P4HA1: variants seen among roughly 807,000 people sequenced by gnomAD.
P4HA1 encodes the protein prolyl 4-hydroxylase subunit alpha 1, also known as prolyl 4-hydroxylase subunit alpha-1.
In P4HA1, 24 loss-of-function variants were observed where a neutral mutation model predicts 72.8. The ratio of observed to expected loss-of-function variants is 0.33; its 90% CI spans 0.24 to 0.46. The LOEUF (loss-of-function observed/expected upper bound fraction) is 0.46. P4HA1 is among the 20% of genes least tolerant of loss of function. The probability of loss-of-function intolerance (pLI) is 1.00; values close to 1 mark genes in which losing one functional copy is unlikely to be tolerated. For missense variants in P4HA1, 446 were observed against 640.6 expected (o/e 0.70, Z 3.28); for synonymous variants, 201 against 218.8 (o/e 0.92, Z 0.72).
chr10:73,064,579 G>A (rs1381045545), intron 5 of P4HA1, among the ~76,000 whole-genome samples: 1 of 152,186 alleles, frequency 6.6e-6, no homozygotes, highest in Admixed American at 6.6e-5. Flanking sequence ...AGTGGCTCAT[G>A]CCTTTAATTC....
At chr10:73,062,018 C>T (rs976538674) in intron 5 of P4HA1, among the ~76,000 whole-genome samples, 11 of 151,894 alleles carry the variant, frequency 7.2e-5, no homozygotes, top group African/African-American at 1.7e-4. Context: ...AATCTTGCCT[C>T]AAAAAAATAA....
chr10:73,030,625 G>A (rs1840411724), intron 9 of P4HA1, among the ~76,000 whole-genome samples: 2 of 152,004 alleles, frequency 1.3e-5, no homozygotes, highest in South Asian at 4.1e-4. Context: ...AAAACAGTTG[G>A]ATTAATGTAA....
intron 8 of P4HA1, among the ~76,000 whole-genome samples, chr10:73,045,270 A>C (rs1047229858): frequency 6.7e-6 from 1 of 150,082 alleles, no homozygotes; most frequent in Non-Finnish European, 1.5e-5. Flanking sequence ...GCATAGATGG[A>C]GGACATACAA....
chr10:73,040,088 T>G lies in P4HA1; in HGVS notation c.1148+4893A>C, dbSNP rs374331522. Among the ~76,000 whole-genome samples the G allele has an allele frequency of 1.7e-4, 26 of 152,066 alleles. No individual in the cohort carries two copies. In the South Asian group the frequency reaches 5.4e-3, roughly 32 times the overall value. On this transcript the variant is annotated intron_variant, in intron 9 of 14. Transcript: ENST00000394890. ...TCTAGCTATACTATCCAGGCTGGTC[T>G]CAAGCTCCTGGGCTCAAACCATCCT... is the stretch of plus-strand genomic sequence containing the variant.
At chr10:73,053,621 A>G in intron 5 of P4HA1, 31 bp from the exon 6 acceptor site, 1 of 1,591,754 alleles carries the variant, frequency 6.3e-7, no homozygotes, top group Non-Finnish European at 8.6e-7. Flanking sequence ...GAACTTTAGG[A>G]ATCTTAACAC....
chr10:73,031,533 C>T (rs1389691280), intron 9 of P4HA1, among the ~76,000 whole-genome samples: 2 of 151,970 alleles, frequency 1.3e-5, no homozygotes, highest in African/African-American at 4.8e-5. Context: ...GTCAAAGAAG[C>T]CAGATACAAA....
chr10:73,015,375 G>A (rs1481343882), intron 11 of P4HA1, among the ~76,000 whole-genome samples: 3 of 152,084 alleles, frequency 2.0e-5, no homozygotes, highest in South Asian at 2.1e-4. Flanking sequence ...TGGTATATCC[G>A]TAACATGGAA....
chr10:73,047,060 ATC>A lies in P4HA1; in HGVS notation c.940_941del (p.Asp314TrpfsTer4). 6.2e-7 allele frequency: 1 copy of A among 1,613,884 alleles called. No individual in the cohort carries two copies. Among genetic ancestry groups the A allele is most frequent in the Admixed American group, 1.7e-5 (1 of 60,006 alleles). On this transcript the variant is annotated frameshift_variant, in exon 8 of 15. Coordinates refer to ENST00000394890, the MANE Select transcript of P4HA1 (RefSeq NM_001017962.3). LOFTEE classifies it high-confidence loss of function. Reference sequence around the variant, plus strand: ...GAATAAATTTAGGATTACGGTTTCCATCATGGTAGCGGCAAAAGAGTTTTTTC... The same window carrying A: ...GAATAAATTTAGGATTACGGTTTCCAATGGTAGCGGCAAAAGAGTTTTTTC... ...RQKKLFCRYH[D>X]GNRNPKFILA...
intron 10 of P4HA1, among the ~76,000 whole-genome samples, chr10:73,028,347 A>ACAC (rs1840345050): frequency 7.2e-6 from 1 of 139,562 alleles, no homozygotes; most frequent in Admixed American, 6.9e-5. Flanking sequence ...CACACACACA[A>ACAC]AATACATTTT....
intron 9 of P4HA1, among the ~76,000 whole-genome samples, chr10:73,037,308 T>TAAA (rs202154662): frequency 1.5e-4 from 18 of 120,096 alleles, no homozygotes; most frequent in African/African-American, 5.6e-4. Flanking sequence ...TTTCCGCTGT[T>TAAA]AAAAAAAAAA....
At chr10:73,061,842 T>C (rs549369490) in intron 5 of P4HA1, among the ~76,000 whole-genome samples, 1 of 152,006 alleles carries the variant, frequency 6.6e-6, no homozygotes, top group South Asian at 2.1e-4. Flanking sequence ...AACACAGCAA[T>C]AGCACATCTC....
At chr10:73,095,988 T>C (rs1213527832) in intron 1 of P4HA1, among the ~76,000 whole-genome samples, 3 of 152,206 alleles carry the variant, frequency 2.0e-5, no homozygotes, top group African/African-American at 4.8e-5. Context: ...TGTGGACTTT[T>C]AAAAGCTGCA....
In P4HA1 at chr10:73,037,555, ATATATATATATATATATTT is replaced by A. The variant is rs1402666647; in HGVS notation, c.1149-7204_1149-7186del. On this transcript the variant is annotated intron_variant, in intron 9 of 14. Transcript: ENST00000394890. ...TATATATATATATATATATATATAT[ATATATATATATATATATTT>A]TTTTTTTTTTTTTTTTACAAAGGCA... is the stretch of plus-strand genomic sequence containing the variant. Among the ~76,000 whole-genome samples the A allele has an allele frequency of 1.8e-3, 59 of 32,794 alleles. 3 individuals carry two copies. In the East Asian group the frequency reaches 0.033, roughly 18 times the overall value. 21.5% of individuals were successfully genotyped at this position (32,794 alleles called of 152,430 possible).
At chr10:73,023,165 G>A (rs955271562) in intron 10 of P4HA1, among the ~76,000 whole-genome samples, 5 of 152,072 alleles carry the variant, frequency 3.3e-5, no homozygotes, top group African/African-American at 9.7e-5. Flanking sequence ...GATACTTCTC[G>A]AGAAGAGCAA....
At chr10:73,078,037 G>A (rs1373699791) in intron 1 of P4HA1, among the ~76,000 whole-genome samples, 3 of 115,896 alleles carry the variant, frequency 2.6e-5, no homozygotes, top group Non-Finnish European at 5.4e-5. Flanking sequence ...AAGCCAGATG[G>A]AATCTGAATA....
At chr10:73,028,132 C>A (rs2133058256) in intron 10 of P4HA1, among the ~76,000 whole-genome samples, 1 of 152,068 alleles carries the variant, frequency 6.6e-6, no homozygotes, top group South Asian at 2.1e-4. Context: ...CATGCCAAGT[C>A]ATGATAGGAT....
intron 1 of P4HA1, among the ~76,000 whole-genome samples, chr10:73,096,491 C>T (rs1197442237): frequency 6.6e-6 from 1 of 151,630 alleles, no homozygotes; most frequent in Admixed American, 6.6e-5. Context: ...GTCCCTAGGG[C>T]GGGGACTGAG....
chr10:73,010,218 T>C (rs1434404197), intron 13 of P4HA1, among the ~76,000 whole-genome samples: 1 of 152,154 alleles, frequency 6.6e-6, no homozygotes, highest in African/African-American at 2.4e-5. Context: ...TCCGCCCATC[T>C]TGGCCTCCCA....
At chr10:73,010,863 A>C in intron 13 of P4HA1, 106 bp downstream of exon 13, 1 of 828,500 alleles carries the variant, frequency 1.2e-6, no homozygotes, top group South Asian at 1.6e-5. Context: ...GTCTCAAAAA[A>C]TGAAAAAGAA....
Sources: allele counts gnomAD v4.1 joint callset (sites outside exome capture counted in the v4.1 genomes callset), GRCh38; gene constraint gnomAD v4.1.1; transcripts MANE v1.5; gene names NCBI Gene and HGNC (gene_info 2026-07-23, HGNC 2026-07-21).